ACOT7: variants seen among roughly 807,000 people sequenced by gnomAD.
ACOT7 encodes cytosolic acyl coenzyme A thioester hydrolase.
ACOT7 carries 12 observed loss-of-function variants against 40.2 expected under a neutral mutation model. The observed-to-expected ratio is 0.30, with a 90% CI of 0.19 to 0.48. The LOEUF is 0.48. Among genes scored for constraint, ACOT7 ranks in the 20% least tolerant of loss-of-function variants. The pLI, the probability that ACOT7 is intolerant of heterozygous loss-of-function variation, is 0.99. For synonymous variants in ACOT7, 228 were observed against 219.5 expected (o/e 1.04, Z -0.34); for missense variants, 395 against 530.8 (o/e 0.74, Z 2.51).
chr1:6,331,726 G>A (rs1182326652), intron 4 of ACOT7, among the ~76,000 whole-genome samples: 1 of 152,038 alleles, frequency 6.6e-6, no homozygotes, highest in Non-Finnish European at 1.5e-5. Context: ...AATATGGACA[G>A]GGCTCCCCTG....
At chr1:6,350,566 C>T (rs1425914399) in intron 1 of ACOT7, among the ~76,000 whole-genome samples, 1 of 152,256 alleles carries the variant, frequency 6.6e-6, no homozygotes, top group Non-Finnish European at 1.5e-5. Context: ...TCTGGAATCC[C>T]AACAAGCCAG....
In ACOT7 at chr1:6,359,621, C is replaced by G. The variant is rs2148465243; in HGVS notation, c.144-9755G>C. On this transcript the variant is annotated intron_variant, in intron 1 of 8. Coordinates refer to ENST00000361521, the MANE Select transcript of ACOT7 (RefSeq NM_007274.4). This position sits in a 1 kb window ranked among gnomAD's most constrained non-coding sequence, Gnocchi z 4.1. ...CCCGTACTCTCTTCACTCCGCCTCC[C>G]CTTCTACTGGGTGTCAGGAAGAAAG... is the stretch of plus-strand genomic sequence containing the variant. Among the ~76,000 whole-genome samples, 1 of 152,348 alleles carries G rather than the reference C, an allele frequency of 6.6e-6. No individual in the cohort carries two copies. The highest frequency in any genetic ancestry group is 1.5e-5 in the Non-Finnish European group (1 of 68,042).
chr1:6,300,686 C>T (rs1173384450), intron 6 of ACOT7, among the ~76,000 whole-genome samples: 1 of 136,498 alleles, frequency 7.3e-6, no homozygotes, highest in East Asian at 2.2e-4. Flanking sequence ...GATCCTGATG[C>T]GCAGCCAGCC....
intron 1 of ACOT7, 83 bp from the exon 2 acceptor site, chr1:6,349,949 C>T: frequency 2.3e-6 from 3 of 1,331,406 alleles, no homozygotes; most frequent in South Asian, 2.4e-5. Context: ...GGGAGAAGGT[C>T]CCCAAAGGGC....
intron 1 of ACOT7, among the ~76,000 whole-genome samples, chr1:6,366,764 C>T (rs796835380): frequency 1.1e-4 from 16 of 151,856 alleles, no homozygotes; most frequent in African/African-American, 3.1e-4. Flanking sequence ...CAAGTGATTC[C>T]CCTGGCTCAG....
At chr1:6,281,335 G>A (rs772354346) in intron 7 of ACOT7, 49 bp from the exon 8 acceptor site, 4 of 1,565,550 alleles carry the variant, frequency 2.6e-6, no homozygotes, top group Non-Finnish European at 2.6e-6. Flanking sequence ...CCCCACGGCT[G>A]GGCGGGGGAC....
Position 6,358,332 on chromosome 1 carries a change from G to A in ACOT7, c.144-8466C>T, listed in dbSNP as rs1571340535. Among the ~76,000 whole-genome samples the A allele has an allele frequency of 2.0e-5, 3 of 152,120 alleles. No homozygotes were observed. The East Asian group carries it at 5.8e-4, about 29-fold the overall frequency. ...GGCCCCCAAGCAGGACGGGGGAAGA[G>A]GCCAACAATGGCCCTGAGCTCCCAG... On this transcript the variant is annotated intron_variant, in intron 1 of 8. Coordinates refer to ENST00000361521, the MANE Select transcript of ACOT7 (RefSeq NM_007274.4). This position sits in a 1 kb window ranked among gnomAD's most constrained non-coding sequence, Gnocchi z 4.1.
chr1:6,288,567 C>A lies in ACOT7; in HGVS notation c.829+6297G>T, dbSNP rs1487590012. On this transcript the variant is annotated intron_variant, in intron 7 of 8. Coordinates refer to ENST00000361521, the MANE Select transcript of ACOT7 (RefSeq NM_007274.4). The surrounding 1 kb of genome is among the most constrained non-coding windows in gnomAD (Gnocchi z 4.3). The stretch of plus-strand genomic sequence containing the variant: ...GAGCAGAGGAATAGCAGGTCCCTAG[C>A]GTCAAAAGGCTGTGACAATGGAGGT... Among the ~76,000 whole-genome samples, 3 of 152,244 alleles carry A rather than the reference C, an allele frequency of 2.0e-5. No individual in the cohort carries two copies. Among genetic ancestry groups the A allele is most frequent in the South Asian group, 2.1e-4 (1 of 4,822 alleles).
chr1:6,295,126 G>A (rs114381815), intron 6 of ACOT7, 146 bp from the exon 7 acceptor site: 13 of 585,454 alleles, frequency 2.2e-5, no homozygotes, highest in African/African-American at 3.7e-5. Context: ...GTGCTCGGCC[G>A]CACGTGCTGT....
intron 1 of ACOT7, among the ~76,000 whole-genome samples, chr1:6,388,835 G>A (rs1195801613): frequency 1.3e-5 from 2 of 150,696 alleles, no homozygotes; most frequent in Non-Finnish European, 2.9e-5. Context: ...TCAGGAGATC[G>A]AGACCATCCT....
At chr1:6,388,716 G>A (rs1642482113) in intron 1 of ACOT7, among the ~76,000 whole-genome samples, 1 of 142,832 alleles carries the variant, frequency 7.0e-6, no homozygotes, top group Non-Finnish European at 1.5e-5. Context: ...CTCCAGCCTG[G>A]GTGACAGAGT....
chr1:6,299,915 G>A lies in ACOT7; in HGVS notation c.713-4935C>T, dbSNP rs112433807. On this transcript the variant is annotated intron_variant, in intron 6 of 8. Coordinates refer to ENST00000361521, the MANE Select transcript of ACOT7 (RefSeq NM_007274.4). This position sits in a 1 kb window ranked among gnomAD's most constrained non-coding sequence, Gnocchi z 4.1. Reference sequence around the variant, plus strand: ...ATACTGCCCTGGGCAGCCAACAGAAGCTCTGTCAGCCTCCAATGGGGGCCA... The same window carrying A: ...ATACTGCCCTGGGCAGCCAACAGAAACTCTGTCAGCCTCCAATGGGGGCCA... 3.9e-5 allele frequency among the ~76,000 whole-genome samples: 6 copies of A among 152,270 alleles called. No individual in the cohort carries two copies. The highest frequency in any genetic ancestry group is 1.4e-4 in the African/African-American group (6 of 41,546).
chr1:6,385,850 G>A (rs1014194588), intron 1 of ACOT7: 21 of 1,409,876 alleles, frequency 1.5e-5, no homozygotes, highest in Middle Eastern at 2.6e-4. Context: ...CCGCCTCCTC[G>A]GCTTCCGGAA....
In ACOT7 at chr1:6,318,387, A is replaced by C; in HGVS notation, c.712+105T>G. 3 of 1,281,736 alleles carry C rather than the reference A, an allele frequency of 2.3e-6. No homozygotes were observed. The South Asian group carries it at 3.9e-5, about 17-fold the overall frequency. 79.4% of individuals were successfully genotyped at this position (1,281,736 alleles called of 1,614,324 possible). A position where few individuals can be genotyped will look rare whatever the true frequency, so the allele number is the denominator to read the frequency against. On this transcript the variant is annotated intron_variant, in intron 6 of 8. Coordinates refer to ENST00000361521, the MANE Select transcript of ACOT7 (RefSeq NM_007274.4). The stretch of plus-strand genomic sequence containing the variant: ...ACAACTTCTTGGAAGTTTGTACTTC[A>C]CCAAACACAAGAGCCTCAAGTGTGT...
Position 6,278,749 on chromosome 1 carries a change from G to C in ACOT7, c.1014+2353C>G, listed in dbSNP as rs1007676746. Among the ~76,000 whole-genome samples the C allele has an allele frequency of 6.6e-6, 1 of 152,214 alleles. No individual in the cohort carries two copies. Among genetic ancestry groups the C allele is most frequent in the Non-Finnish European group, 1.5e-5 (1 of 68,036 alleles). On this transcript the variant is annotated intron_variant, in intron 8 of 8. Coordinates refer to ENST00000361521, the MANE Select transcript of ACOT7 (RefSeq NM_007274.4). This position sits in a 1 kb window ranked among gnomAD's most constrained non-coding sequence, Gnocchi z 4.1. ...GACATGTCAAAGCCAAGGGTTCGGG[G>C]ACCGTGTGGTGGCCGGGGAGGCTGG...
intron 1 of ACOT7, among the ~76,000 whole-genome samples, chr1:6,381,349 C>T (rs1051209257): frequency 1.2e-4 from 18 of 151,082 alleles, no homozygotes; most frequent in Non-Finnish European, 2.5e-4. Flanking sequence ...TTAAAAAAAA[C>T]CTGATTCAAA....
At position 6,358,420 on chromosome 1, in the gene ACOT7, C is replaced by G. The variant is rs1641808195; in HGVS notation, c.144-8554G>C. On this transcript the variant is annotated intron_variant, in intron 1 of 8. Transcript: ENST00000361521. This position sits in a 1 kb window ranked among gnomAD's most constrained non-coding sequence, Gnocchi z 4.1. ...GGCTCCTTGTGCAGCCCACAGACCC[C>G]CCCTCCACCGCAGGTAGGAAGCTCA... is the stretch of plus-strand genomic sequence containing the variant. Among the ~76,000 whole-genome samples, 1 of 152,228 alleles carries G rather than the reference C, an allele frequency of 6.6e-6. No homozygotes were observed. The highest frequency in any genetic ancestry group is 2.1e-4 in the South Asian group (1 of 4,838).
In ACOT7 at chr1:6,387,587, G is replaced by A. The variant is rs535042857; in HGVS notation, c.143+5670C>T. ...GAGGGCTCTGAGAGTGAGAGGCCAA[G>A]GGGTGGGATGGCAAGACAGCCTATG... On this transcript the variant is annotated intron_variant, in intron 1 of 8. Coordinates refer to ENST00000361521, the MANE Select transcript of ACOT7 (RefSeq NM_007274.4). 3.1e-4 allele frequency among the ~76,000 whole-genome samples: 47 copies of A among 152,300 alleles called. No individual in the cohort carries two copies. In the South Asian group the frequency reaches 9.5e-3, roughly 31 times the overall value.
At chr1:6,373,971 T>C (rs763118890) in intron 1 of ACOT7, among the ~76,000 whole-genome samples, 8 of 152,238 alleles carry the variant, frequency 5.3e-5, no homozygotes, top group African/African-American at 1.2e-4. Context: ...TGTGCAGTTA[T>C]AGAAATTATT....
Sources: allele counts gnomAD v4.1 joint callset (sites outside exome capture counted in the v4.1 genomes callset), GRCh38; gene constraint gnomAD v4.1.1; non-coding constraint Gnocchi (gnomAD v3.1); transcripts MANE v1.5; gene names NCBI Gene and HGNC (gene_info 2026-07-23, HGNC 2026-07-21).